Variants in HAO1 observed in about 807,000 individuals in gnomAD.
The protein encoded by HAO1 is hydroxyacid oxidase 1, also known as 2-Hydroxyacid oxidase 1.
Under a neutral mutation model 39.7 loss-of-function variants are expected in HAO1, and 34 were observed. The observed-to-expected ratio is 0.86, with a 90% CI of 0.65 to 1.14. The LOEUF is 1.14. HAO1 is among the 50% of genes most tolerant of loss of function. The pLI, the probability that HAO1 is intolerant of heterozygous loss-of-function variation, is 0.00. For synonymous variants in HAO1, 172 were observed against 173.2 expected (o/e 0.99, Z 0.05); for missense variants, 479 against 464.5 (o/e 1.03, Z -0.29).
intron 1 of HAO1, among the ~76,000 whole-genome samples, chr20:7,939,530 A>G (rs1423671169): frequency 6.6e-6 from 1 of 151,434 alleles, no homozygotes; most frequent in Non-Finnish European, 1.5e-5. Context: ...TAACAGCCAT[A>G]ATGTTAGATG....
intron 2 of HAO1, among the ~76,000 whole-genome samples, chr20:7,922,191 T>C (rs1053110939): frequency 6.6e-6 from 1 of 152,100 alleles, no homozygotes; most frequent in African/African-American, 2.4e-5. Flanking sequence ...AATAGATATA[T>C]GAAAGAAGCT....
chr20:7,914,107 A>G, intron 3 of HAO1, 57 bp downstream of exon 3: 1 of 1,595,754 alleles, frequency 6.3e-7, no homozygotes, highest in South Asian at 1.1e-5. Context: ...CCAGACCCTA[A>G]CATTCCCAGT....
At chr20:7,912,492 C>T (rs2050284875) in intron 3 of HAO1, among the ~76,000 whole-genome samples, 1 of 151,320 alleles carries the variant, frequency 6.6e-6, no homozygotes, top group African/African-American at 2.4e-5. Context: ...AAAGGAAGAA[C>T]AAATTCCTTT....
chr20:7,913,028 A>G (rs942302599), intron 3 of HAO1, among the ~76,000 whole-genome samples: 4 of 152,228 alleles, frequency 2.6e-5, no homozygotes, highest in African/African-American at 7.2e-5. Context: ...AGTCACTGAA[A>G]TAGATATGAA....
intron 2 of HAO1, among the ~76,000 whole-genome samples, chr20:7,929,841 T>G (rs1361615899): frequency 6.6e-6 from 1 of 152,166 alleles, no homozygotes; most frequent in African/African-American, 2.4e-5. Flanking sequence ...TCCAGTCTGG[T>G]GACAGAGCAA....
At chr20:7,934,657 A>C in intron 1 of HAO1, 22 bp from the exon 2 acceptor site, 1 of 1,497,974 alleles carries the variant, frequency 6.7e-7, no homozygotes, top group Non-Finnish European at 9.0e-7. Context: ...AAATAAAATA[A>C]AATAAAAGGC....
chr20:7,903,289 TC>T (rs2050229241), intron 4 of HAO1, among the ~76,000 whole-genome samples: 1 of 87,628 alleles, frequency 1.1e-5, no homozygotes, highest in African/African-American at 4.4e-5. Context: ...TCTCTCCTTA[TC>T]TTTTTTTTTT....
Position 7,906,180 on chromosome 20 carries a change from G to C in HAO1, c.695C>G (p.Pro232Arg). The change falls in exon 4 of 8, where the codon CCA becomes CGA. Residue 232 changes from proline to arginine, a missense_variant. Physicochemically the swap from Pro to Arg is moderately radical, Grantham distance 103. Coordinates refer to ENST00000378789, the MANE Select transcript of HAO1 (RefSeq NM_017545.3). The part of the protein sequence containing the change: ...IKWLRRLTSL[P>R]IVAKGILRGD... ...TCTCAAAATGCCCTTTGCAACAATT[G>C]GCAATGATGTCAGTCTTCTCAGCCA... The C allele has an allele frequency of 6.2e-7, 1 of 1,612,954 alleles. No individual in the cohort carries two copies. The highest frequency in any genetic ancestry group is 8.5e-7 in the Non-Finnish European group (1 of 1,179,054).
intron 5 of HAO1, among the ~76,000 whole-genome samples, chr20:7,887,989 C>T (rs1352132774): frequency 6.6e-6 from 1 of 152,110 alleles, no homozygotes; most frequent in African/African-American, 2.4e-5. Context: ...TAGACAGACT[C>T]ACTATGTTAT....
At chr20:7,906,090 A>G (rs780887877) in intron 4 of HAO1, 64 bp downstream of exon 4, 11 of 1,092,850 alleles carry the variant, frequency 1.0e-5, no homozygotes, top group Non-Finnish European at 1.5e-5. Flanking sequence ...CTTTAAGAAT[A>G]TTATGAACGT....
chr20:7,915,928 G>A (rs1216915250), intron 2 of HAO1, among the ~76,000 whole-genome samples: 1 of 151,894 alleles, frequency 6.6e-6, no homozygotes, highest in Non-Finnish European at 1.5e-5. Flanking sequence ...TTAAAATTTT[G>A]TCTTTCAAAA....
At chr20:7,922,203 A>G (rs2050336659) in intron 2 of HAO1, among the ~76,000 whole-genome samples, 1 of 152,184 alleles carries the variant, frequency 6.6e-6, no homozygotes, top group Admixed American at 6.6e-5. Flanking sequence ...AAAGAAGCTC[A>G]GTATCACTAA....
rs751451932 is a variant in HAO1, at chr20:7,885,581, C to T, written c.982G>A (p.Gly328Ser). ...VWGLAFQGEK[G>S]VQDVLEILKE... ...AGTATCTCGAGGACATCTTGAACAC[C>T]TTTCTCCCCCTAACCAAGTGAAAAG... is the stretch of plus-strand genomic sequence containing the variant. The change falls in exon 7 of 8, where the codon GGT (glycine) becomes AGT (serine). Residue 328 changes from glycine to serine, a missense_variant. Gly to Ser is a moderately conservative substitution (Grantham distance 56). Coordinates refer to ENST00000378789, the MANE Select transcript of HAO1 (RefSeq NM_017545.3). The T allele has an allele frequency of 6.2e-7, 1 of 1,610,238 alleles. No homozygotes were observed. The highest frequency in any genetic ancestry group is 1.3e-5 in the African/African-American group (1 of 74,814).
At chr20:7,915,120 C>CA (rs1004840151) in intron 2 of HAO1, among the ~76,000 whole-genome samples, 21 of 149,160 alleles carry the variant, frequency 1.4e-4, no homozygotes, top group East Asian at 6.1e-4. Context: ...AACTACATCT[C>CA]AAAAAAAAAT....
chr20:7,917,292 A>T (rs1045073161), intron 2 of HAO1, among the ~76,000 whole-genome samples: 1 of 149,996 alleles, frequency 6.7e-6, no homozygotes, highest in East Asian at 2.0e-4. Context: ...GTGAGCTGAG[A>T]TCACACCACT....
intron 5 of HAO1, among the ~76,000 whole-genome samples, chr20:7,889,376 A>T (rs563426186): frequency 1.3e-5 from 2 of 152,298 alleles, no homozygotes; most frequent in South Asian, 4.1e-4. Flanking sequence ...AAATTGAAAA[A>T]AAATGCTCAT....
intron 5 of HAO1, among the ~76,000 whole-genome samples, chr20:7,886,467 A>G (rs2050151757): frequency 6.6e-6 from 1 of 152,122 alleles, no homozygotes; most frequent in Admixed American, 6.6e-5. Flanking sequence ...ATAAAAGTAA[A>G]TTAAGTATTT....
At chr20:7,937,946 G>C (rs570744800) in intron 1 of HAO1, among the ~76,000 whole-genome samples, 15 of 152,228 alleles carry the variant, frequency 9.9e-5, no homozygotes, top group Admixed American at 9.2e-4. Flanking sequence ...CACATGAGTG[G>C]TCCATGTCCC....
At chr20:7,908,666 G>A (rs1267043893) in intron 3 of HAO1, among the ~76,000 whole-genome samples, 2 of 152,054 alleles carry the variant, frequency 1.3e-5, no homozygotes, top group Non-Finnish European at 2.9e-5. Flanking sequence ...GACTCAGATG[G>A]CCATTTAAGA....
Sources: gnomAD v4.1 joint callset for allele counts (sites outside exome capture counted in the v4.1 genomes callset) on GRCh38, gnomAD v4.1.1 for gene constraint, MANE v1.5 for transcripts, NCBI Gene and HGNC (gene_info 2026-07-23, HGNC 2026-07-21) for gene names.